The following SNTG1 variants were observed in gnomAD, a reference collection of about 807,000 sequenced individuals.
The protein encoded by SNTG1 is gamma-1-syntrophin.
SNTG1 carries 39 observed loss-of-function variants against 74.7 expected under a neutral mutation model. The ratio of observed to expected loss-of-function variants is 0.52; its 90% CI spans 0.40 to 0.68. The LOEUF (loss-of-function observed/expected upper bound fraction) is 0.68. Among genes scored for constraint, SNTG1 ranks in the 30% least tolerant of loss-of-function variants. The pLI, the probability that SNTG1 is intolerant of heterozygous loss-of-function variation, is 0.00. For synonymous variants in SNTG1, 254 were observed against 217.1 expected (o/e 1.17, Z -1.49); for missense variants, 685 against 609.5 (o/e 1.12, Z -1.30).
At chr8:50,180,675 T>G (rs2083169324) in intron 2 of SNTG1, among the ~76,000 whole-genome samples, 2 of 151,876 alleles carry the variant, frequency 1.3e-5, no homozygotes, top group Admixed American at 1.3e-4. Context: ...CCCATCCTAA[T>G]TATTCCTTTT....
chr8:50,240,631 C>T (rs979088936), intron 2 of SNTG1, among the ~76,000 whole-genome samples: 2 of 152,236 alleles, frequency 1.3e-5, no homozygotes, highest in East Asian at 3.9e-4. Context: ...CACAGAGGAT[C>T]CTGGAGCTCA....
intron 8 of SNTG1, among the ~76,000 whole-genome samples, chr8:50,454,536 A>C (rs2093485696): frequency 6.8e-6 from 1 of 147,768 alleles, no homozygotes; most frequent in Non-Finnish European, 1.5e-5. Context: ...AACAACAACA[A>C]CAAAATTGTC....
rs2093975171 is a variant in SNTG1 at position 50,502,904 on chromosome 8, A to G, written c.466+24A>G. 5 of 1,524,472 alleles carry G rather than the reference A, an allele frequency of 3.3e-6. No homozygotes were observed. The East Asian group carries it at 1.1e-4, about 34-fold the overall frequency. 94.4% of individuals were successfully genotyped at this position (1,524,472 alleles called of 1,614,324 possible). A position where few individuals can be genotyped will look rare whatever the true frequency, so the allele number is the denominator to read the frequency against. On this transcript the variant is annotated intron_variant, in intron 9 of 18. Coordinates refer to ENST00000642720, the MANE Select transcript of SNTG1 (RefSeq NM_018967.5). ...ATGTAAGCATTTATAAAGAATAGAT[A>G]AAAGTGCTCACATCATTATAGTTAC...
chr8:49,912,925 A>T (rs1042196836), intron 1 of SNTG1, among the ~76,000 whole-genome samples: 4 of 152,230 alleles, frequency 2.6e-5, no homozygotes, highest in African/African-American at 9.6e-5. Context: ...GTTCTGCAAA[A>T]TACATTTGTC....
chr8:50,746,626 A>G (rs2095555674), intron 17 of SNTG1, among the ~76,000 whole-genome samples: 2 of 151,760 alleles, frequency 1.3e-5, no homozygotes, highest in African/African-American at 2.4e-5. Context: ...ATTAGGTTAA[A>G]ACTAAAGATA....
At chr8:50,716,276 T>A (rs13271305) in intron 17 of SNTG1, among the ~76,000 whole-genome samples, 50,667 of 151,950 alleles carry the variant, frequency 0.33, 11,006 homozygotes, top group African/African-American at 0.62. Context: ...CTAAAAATAT[T>A]AAAAAAATTG....
intron 12 of SNTG1, among the ~76,000 whole-genome samples, chr8:50,583,929 C>T (rs1336102432): frequency 1.3e-5 from 2 of 152,026 alleles, no homozygotes; most frequent in African/African-American, 4.8e-5. Flanking sequence ...CCGCTCCCTC[C>T]ACCCCACGAC....
intron 15 of SNTG1, among the ~76,000 whole-genome samples, chr8:50,667,259 A>T (rs1401761175): frequency 1.3e-5 from 2 of 152,114 alleles, no homozygotes; most frequent in Admixed American, 6.6e-5. Context: ...AATGGCAGGT[A>T]TTAGTAGAAA....
At chr8:50,604,454 T>A in intron 13 of SNTG1, among the ~76,000 whole-genome samples, 1 of 151,912 alleles carries the variant, frequency 6.6e-6, no homozygotes, top group Non-Finnish European at 1.5e-5. Flanking sequence ...CTTAGAAATA[T>A]ACCTGGTGTT....
chr8:49,967,507 C>A (rs1811253870), intron 1 of SNTG1, among the ~76,000 whole-genome samples: 1 of 152,122 alleles, frequency 6.6e-6, no homozygotes. Flanking sequence ...ATAAAATCTT[C>A]ACTTTTCATT....
chr8:50,460,181 A>G (rs1449132094), intron 8 of SNTG1, among the ~76,000 whole-genome samples: 1 of 152,042 alleles, frequency 6.6e-6, no homozygotes, highest in Non-Finnish European at 1.5e-5. Flanking sequence ...GACATTCTGA[A>G]TGGTGCGAGA....
chr8:50,239,622 C>T (rs185036191), intron 2 of SNTG1, among the ~76,000 whole-genome samples: 8 of 152,260 alleles, frequency 5.3e-5, no homozygotes, highest in Non-Finnish European at 1.2e-4. Context: ...TATCTGATTT[C>T]CCTGCTCCAC....
intron 18 of SNTG1, among the ~76,000 whole-genome samples, chr8:50,765,696 A>G (rs974056892): frequency 1.3e-5 from 2 of 151,942 alleles, no homozygotes; most frequent in African/African-American, 4.8e-5. Flanking sequence ...TTAGTTTCTC[A>G]CTCTTGATAA....
intron 12 of SNTG1, among the ~76,000 whole-genome samples, chr8:50,555,507 T>G (rs1322458440): frequency 1.3e-5 from 2 of 152,080 alleles, no homozygotes; most frequent in African/African-American, 4.8e-5. Flanking sequence ...GCTAGGAAAG[T>G]TTTGCTTAGG....
chr8:50,516,442 G>A (rs2094134688), intron 9 of SNTG1, among the ~76,000 whole-genome samples: 1 of 152,176 alleles, frequency 6.6e-6, no homozygotes, highest in Non-Finnish European at 1.5e-5. Context: ...GATGGAGAAT[G>A]AGTTTGATGA....
intron 2 of SNTG1, among the ~76,000 whole-genome samples, chr8:50,329,949 T>C (rs1455235504): frequency 1.3e-5 from 2 of 152,204 alleles, no homozygotes; most frequent in Non-Finnish European, 2.9e-5. Context: ...AGGGGCAATT[T>C]GCCACCAGTC....
At chr8:49,974,801 C>G (rs1293279323) in intron 1 of SNTG1, among the ~76,000 whole-genome samples, 1 of 152,134 alleles carries the variant, frequency 6.6e-6, no homozygotes. Flanking sequence ...AGAATGTATC[C>G]TGCAAACTAC....
intron 2 of SNTG1, among the ~76,000 whole-genome samples, chr8:50,296,532 A>G (rs764627858): frequency 1.5e-4 from 23 of 152,132 alleles, no homozygotes; most frequent in Non-Finnish European, 3.2e-4. Context: ...TAAACACCTC[A>G]TGTTCTCACC....
chr8:50,743,507 A>G (rs1351747032), intron 17 of SNTG1, among the ~76,000 whole-genome samples: 6 of 151,956 alleles, frequency 3.9e-5, no homozygotes, highest in Non-Finnish European at 2.9e-5. Context: ...TATTTGAAAT[A>G]TGAAAAACGA....
Sources: gnomAD v4.1 joint callset for allele counts (sites outside exome capture counted in the v4.1 genomes callset) on GRCh38, gnomAD v4.1.1 for gene constraint, MANE v1.5 for transcripts, NCBI Gene and HGNC (gene_info 2026-07-23, HGNC 2026-07-21) for gene names.